Variants in DDI2 observed in about 807,000 individuals in gnomAD.
DDI2 encodes DDI proteasomal shuttling factor 2, also known as protein DDI1 homolog 2.
Under a neutral mutation model 48.1 loss-of-function variants are expected in DDI2, and 5 were observed. That is an observed-to-expected ratio of 0.10 (90% CI 0.05 to 0.22). The LOEUF (loss-of-function observed/expected upper bound fraction) is 0.22, where lower values mean the gene tolerates loss of function less well. Among genes scored for constraint, DDI2 ranks in the 10% least tolerant of loss-of-function variants. The pLI is 1.00. For synonymous variants in DDI2, 205 were observed against 183.6 expected (o/e 1.12, Z -0.94); for missense variants, 285 against 506.2 (o/e 0.56, Z 4.19).
intron 6 of DDI2, among the ~76,000 whole-genome samples, chr1:15,645,845 G>A (rs1640082354): frequency 6.7e-6 from 1 of 148,868 alleles, no homozygotes; most frequent in South Asian, 2.1e-4. Flanking sequence ...ACTCCAGCTT[G>A]GATGACAATG....
chr1:15,658,039 C>A (rs1317387915), intron 9 of DDI2, among the ~76,000 whole-genome samples: 1 of 152,118 alleles, frequency 6.6e-6, no homozygotes, highest in Non-Finnish European at 1.5e-5. Context: ...AGATCAAGCC[C>A]TCTTGTTGGA....
chr1:15,655,099 T>C (rs1180034187), intron 8 of DDI2, among the ~76,000 whole-genome samples: 3 of 152,308 alleles, frequency 2.0e-5, no homozygotes, highest in East Asian at 3.9e-4. Context: ...GATACACATA[T>C]GTTTCCAGGC....
chr1:15,641,335 A>G (rs1557618198), intron 5 of DDI2, among the ~76,000 whole-genome samples: 1 of 151,798 alleles, frequency 6.6e-6, no homozygotes, highest in Non-Finnish European at 1.5e-5. Context: ...GCCAGGCATG[A>G]TGGTGGCACA....
At position 15,660,209 on chromosome 1, in the gene DDI2, C is replaced by T. The variant is rs749100198; in HGVS notation, c.*419C>T. The T allele has an allele frequency of 1.9e-6, 3 of 1,614,090 alleles. No individual in the cohort carries two copies. Among genetic ancestry groups the T allele is most frequent in the African/African-American group, 1.3e-5 (1 of 74,932 alleles). On this transcript the variant is annotated 3_prime_UTR_variant, in exon 10 of 10. Coordinates refer to ENST00000480945, the MANE Select transcript of DDI2 (RefSeq NM_032341.5). ...GTTGCAGGTAATCTGGAGAAATCTG[C>T]TGAAAGAAGCACCCAGGGCCTCAAA...
intron 8 of DDI2, among the ~76,000 whole-genome samples, chr1:15,652,108 C>G (rs531154392): frequency 5.1e-5 from 7 of 136,954 alleles, no homozygotes; most frequent in African/African-American, 2.1e-4. Context: ...CTCTGTCACC[C>G]AGGTTGGAGT....
chr1:15,652,217 C>T (rs1557622443), intron 8 of DDI2, among the ~76,000 whole-genome samples: 1 of 150,958 alleles, frequency 6.6e-6, no homozygotes, highest in Admixed American at 6.6e-5. Context: ...TGGGACTACA[C>T]CTGGCTAATT....
At chr1:15,619,717 T>A (rs909563324) in intron 1 of DDI2, among the ~76,000 whole-genome samples, 1 of 152,100 alleles carries the variant, frequency 6.6e-6, no homozygotes, top group Admixed American at 6.5e-5. Context: ...CGCCTCGGCC[T>A]TCCAAAGTGC....
rs542445212 is a variant in DDI2, at chr1:15,652,021, T to G, written c.1183+126T>G. 19 of 828,442 alleles carry G rather than the reference T, an allele frequency of 2.3e-5. No individual in the cohort carries two copies. In the African/African-American group the frequency reaches 3.1e-4, roughly 13 times the overall value. 51.3% of individuals were successfully genotyped at this position (828,442 alleles called of 1,614,324 possible). ...TCTCATGGTCCAGTAGTAGATGTGT[T>G]CATTATTTGTCTTCTTAACCTCCTT... On this transcript the variant is annotated intron_variant, in intron 8 of 9. Coordinates refer to ENST00000480945, the MANE Select transcript of DDI2 (RefSeq NM_032341.5).
At chr1:15,630,747 T>G (rs138557497) in intron 3 of DDI2, among the ~76,000 whole-genome samples, 186 bp downstream of exon 3, 105 of 152,360 alleles carry the variant, frequency 6.9e-4, no homozygotes, top group African/African-American at 2.2e-3. Context: ...CAATAGAGTT[T>G]TAGCAGTGAA....
At chr1:15,622,003 G>C (rs1025055200) in intron 1 of DDI2, among the ~76,000 whole-genome samples, 1 of 152,152 alleles carries the variant, frequency 6.6e-6, no homozygotes, top group East Asian at 1.9e-4. Flanking sequence ...TTTGATTAAT[G>C]GTAATACTAT....
In DDI2 at chr1:15,659,874, A is replaced by G. The variant is rs1305666386; in HGVS notation, c.*84A>G. 1.3e-6 allele frequency: 2 copies of G among 1,572,438 alleles called. No homozygotes were observed. The highest frequency in any genetic ancestry group is 1.7e-6 in the Non-Finnish European group (2 of 1,162,996). On this transcript the variant is annotated 3_prime_UTR_variant, in exon 10 of 10. Transcript: ENST00000480945. ...AAGAATCTACCTCACTGGGAATGTCATCATTACCAACTTCAGATGGGTTTA... is the reference window on the plus strand; with the variant it reads ...AAGAATCTACCTCACTGGGAATGTCGTCATTACCAACTTCAGATGGGTTTA...
rs1170250108 is a variant in DDI2 at position 15,665,710 on chromosome 1, C to T, written c.*5920C>T. 6.6e-6 allele frequency: 1 copy of T among 151,914 alleles called. No individual in the cohort carries two copies. Among genetic ancestry groups the T allele is most frequent in the Non-Finnish European group, 1.5e-5 (1 of 67,964 alleles). 9.4% of individuals were successfully genotyped at this position (151,914 alleles called of 1,614,324 possible). On this transcript the variant is annotated 3_prime_UTR_variant, in exon 10 of 10. Coordinates refer to ENST00000480945, the MANE Select transcript of DDI2 (RefSeq NM_032341.5). The stretch of plus-strand genomic sequence containing the variant: ...CTCTTCACTTATGGTGGCTTTTATC[C>T]CGCCACATATATAAATATATATATA...
intron 2 of DDI2, 32 bp downstream of exon 2, chr1:15,626,830 C>T: frequency 6.8e-6 from 11 of 1,613,762 alleles, no homozygotes; most frequent in Non-Finnish European, 9.3e-6. Flanking sequence ...CATCCCCCAG[C>T]AGAACCATCA....
chr1:15,654,657 C>CAAA (rs201383199), intron 8 of DDI2, among the ~76,000 whole-genome samples: 1 of 108,794 alleles, frequency 9.2e-6, no homozygotes, highest in Non-Finnish European at 2.0e-5. Flanking sequence ...ATCCTGTGTC[C>CAAA]AAAAAAAAAA....
chr1:15,638,463 C>T, intron 5 of DDI2, 29 bp downstream of exon 5: 3 of 1,609,254 alleles, frequency 1.9e-6, no homozygotes, highest in South Asian at 1.1e-5. Context: ...ATTTCTTGGT[C>T]TCCCCTCCAA....
Position 15,630,442 on chromosome 1 carries a change from C to T in DDI2, c.386C>T (p.Pro129Leu), listed in dbSNP as rs748839324. 1.1e-5 allele frequency: 17 copies of T among 1,614,114 alleles called. No individual in the cohort carries two copies. Among genetic ancestry groups the T allele is most frequent in the Non-Finnish European group, 1.4e-5 (16 of 1,180,058 alleles). ...TCTCCTGGAGAAATAACTTCATCTCCTCAGGGCTTGGACAATCCAGCCTTG... is the reference window on the plus strand; with the variant it reads ...TCTCCTGGAGAAATAACTTCATCTCTTCAGGGCTTGGACAATCCAGCCTTG... ...HSSPGEITSSPQGLDNPALLR... is the reference protein window; with the variant it reads ...HSSPGEITSSLQGLDNPALLR... The change falls in exon 3 of 10, where the codon CCT becomes CTT. Residue 129 changes from proline to leucine, a missense_variant. Pro to Leu is a moderately conservative substitution (Grantham distance 98, BLOSUM62 -3). Coordinates refer to ENST00000480945, the MANE Select transcript of DDI2 (RefSeq NM_032341.5).
chr1:15,650,798 T>C (rs530113827), intron 7 of DDI2, among the ~76,000 whole-genome samples: 1 of 152,318 alleles, frequency 6.6e-6, no homozygotes, highest in East Asian at 1.9e-4. Context: ...TATTTTAAAA[T>C]ATTTCTGTAA....
Position 15,660,533 on chromosome 1 carries a change from C to T in DDI2, c.*743C>T. The T allele has an allele frequency of 1.2e-6, 2 of 1,613,156 alleles. No homozygotes were observed. The highest frequency in any genetic ancestry group is 4.5e-5 in the East Asian group (2 of 44,884). On this transcript the variant is annotated 3_prime_UTR_variant, in exon 10 of 10. Transcript: ENST00000480945. ...GCTACGATGAAAGGAAATGGGCTCC[C>T]ACAGAATGTGGATCCTCCAAGTGCG...
intron 6 of DDI2, among the ~76,000 whole-genome samples, chr1:15,644,682 C>T (rs1308414451): frequency 2.2e-4 from 32 of 147,642 alleles, no homozygotes; most frequent in Non-Finnish European, 2.1e-4. Context: ...CAAGCTCCGC[C>T]TCCTGGGTTC....
Sources: gnomAD v4.1 joint callset for allele counts (sites outside exome capture counted in the v4.1 genomes callset) on GRCh38, gnomAD v4.1.1 for gene constraint, MANE v1.5 for transcripts, NCBI Gene and HGNC (gene_info 2026-07-23, HGNC 2026-07-21) for gene names.